The following P2RY8 variants were observed in gnomAD, a reference collection of about 807,000 sequenced individuals.
P2RY8 encodes the protein P2Y receptor family member 8, also known as S-geranylgeranyl-glutathione receptor P2RY8.
A neutral mutation model predicts 10.0 loss-of-function variants in P2RY8; 6 were observed. The observed-to-expected ratio is 0.60, with a 90% CI of 0.33 to 1.19. The LOEUF is 1.19. Ranked by LOEUF, P2RY8 falls within the 50% of genes most tolerant of loss-of-function variation. The pLI, the probability that P2RY8 is intolerant of heterozygous loss-of-function variation, is 0.04. For synonymous variants in P2RY8, 276 were observed against 252.5 expected, an observed-to-expected ratio of 1.09 and a Z score of -0.88; for missense variants, 456 against 542.0, an observed-to-expected ratio of 0.84 and a Z score of 1.58.
intron 1 of P2RY8, among the ~76,000 whole-genome samples, chrX:1,502,033 C>G (rs2092185926): frequency 6.6e-6 from 1 of 152,180 alleles, no homozygotes; most frequent in Admixed American, 6.5e-5. Context: ...GCCTCGGCCT[C>G]TTGAATATCT....
At chrX:1,473,258 TG>T (rs2091818764) in intron 1 of P2RY8, among the ~76,000 whole-genome samples, 1 of 148,446 alleles carries the variant, frequency 6.7e-6, no homozygotes, top group South Asian at 2.1e-4. Flanking sequence ...CGTGGACGGA[TG>T]GGTGAATAGA....
chrX:1,534,670 G>A (rs1227575978), intron 1 of P2RY8, among the ~76,000 whole-genome samples: 2 of 152,160 alleles, frequency 1.3e-5, no homozygotes, highest in Non-Finnish European at 2.9e-5. Flanking sequence ...TGGAGAGGCA[G>A]GGCTGAAGGA....
intron 1 of P2RY8, among the ~76,000 whole-genome samples, chrX:1,488,773 C>T (rs1235077738): frequency 1.3e-5 from 2 of 150,464 alleles, no homozygotes; most frequent in African/African-American, 2.5e-5. Context: ...TGATACAGGA[C>T]ATTCCCAATG....
In P2RY8 at chrX:1,477,341, TTATC is replaced by T. The variant is rs1291354319; in HGVS notation, c.-24-10763_-24-10760del. 3.3e-5 allele frequency among the ~76,000 whole-genome samples: 5 copies of T among 152,168 alleles called. No homozygotes were observed. In the East Asian group the frequency reaches 5.8e-4, roughly 18 times the overall value. ...TTGATCTATCATCTATCTATATCAA[TTATC>T]TATCAATCGATCATCTATCTACCTA... On this transcript the variant is annotated intron_variant, in intron 1 of 1. Transcript: ENST00000381297.
chrX:1,501,775 A>C (rs112610011), intron 1 of P2RY8, among the ~76,000 whole-genome samples: 1 of 149,558 alleles, frequency 6.7e-6, no homozygotes, highest in Admixed American at 6.7e-5. Flanking sequence ...TTGTATTTTT[A>C]GTAGAGATGG....
At chrX:1,536,301 G>A (rs1273007908) in intron 1 of P2RY8, among the ~76,000 whole-genome samples, 16 of 150,428 alleles carry the variant, frequency 1.1e-4, no homozygotes, top group Admixed American at 1.0e-3. Flanking sequence ...TCGCTCTGTC[G>A]CCCAGGCTGG....
chrX:1,499,840 TTTTTGTTTTG>T (rs545823448), intron 1 of P2RY8, among the ~76,000 whole-genome samples: 27,785 of 151,558 alleles, frequency 0.18, 2,728 homozygotes, highest in Middle Eastern at 0.35. Context: ...TGAATCTGTT[TTTTTGTTTTG>T]TTTTGTTTTG....
intron 1 of P2RY8, among the ~76,000 whole-genome samples, chrX:1,486,184 C>T (rs2091984373): frequency 6.6e-6 from 1 of 152,234 alleles, no homozygotes; most frequent in South Asian, 2.1e-4. Context: ...TGCCATTGCA[C>T]TCCAGGCTGG....
intron 1 of P2RY8, among the ~76,000 whole-genome samples, chrX:1,489,074 G>T (rs139037543): frequency 0.014 from 2,193 of 152,044 alleles, 21 homozygotes; most frequent in Non-Finnish European, 0.025. Context: ...CCACAAATGT[G>T]CAGGGAAAGA....
chrX:1,475,487 A>G (rs2091864560), intron 1 of P2RY8, among the ~76,000 whole-genome samples: 1 of 152,078 alleles, frequency 6.6e-6, no homozygotes, highest in South Asian at 2.1e-4. Context: ...TGGGGAGAGA[A>G]TGCATTGCTG....
In P2RY8 at chrX:1,463,499, G is replaced by A. The variant is rs2091617127; in HGVS notation, c.*1980C>T. Reference sequence around the variant, plus strand: ...GCTCTGTGTCTGTGTCTCCTCTTCTGTCTCTTGGAAGGACACCTGTCATGG... The same window carrying A: ...GCTCTGTGTCTGTGTCTCCTCTTCTATCTCTTGGAAGGACACCTGTCATGG... On this transcript the variant is annotated 3_prime_UTR_variant, in exon 2 of 2. Transcript: ENST00000381297. 8.7e-6 allele frequency: 2 copies of A among 230,644 alleles called. No homozygotes were observed. Among genetic ancestry groups the A allele is most frequent in the Non-Finnish European group, 1.7e-5 (2 of 116,598 alleles). The allele number at this position is 230,644 out of a possible 1,614,324, so 14.3% of individuals were successfully genotyped here.
intron 1 of P2RY8, among the ~76,000 whole-genome samples, chrX:1,483,685 A>G (rs2091959694): frequency 6.6e-6 from 1 of 151,938 alleles, no homozygotes; most frequent in South Asian, 2.1e-4. Flanking sequence ...ATTAAAACCC[A>G]AAGCTACCCT....
rs762602840 is a variant in P2RY8 at position 1,476,637 on chromosome X, G to A, written c.-24-10055C>T. ...AATGGGTCATATAGATGTTTGAGAG[G>A]TAGCCAAGGGTGGCTGATGCCAGGT... On this transcript the variant is annotated intron_variant, in intron 1 of 1. Coordinates refer to ENST00000381297, the MANE Select transcript of P2RY8 (RefSeq NM_178129.5). Among the ~76,000 whole-genome samples, 10 of 151,910 alleles carry A rather than the reference G, an allele frequency of 6.6e-5. No individual in the cohort carries two copies. The South Asian group carries it at 2.1e-3, about 32-fold the overall frequency.
chrX:1,536,355 G>A (rs1177216443), intron 1 of P2RY8, among the ~76,000 whole-genome samples: 1 of 151,886 alleles, frequency 6.6e-6, no homozygotes, highest in Non-Finnish European at 1.5e-5. Context: ...TCCACCTCCA[G>A]GGATCATGCC....
intron 1 of P2RY8, among the ~76,000 whole-genome samples, chrX:1,468,318 G>A (rs764147692): frequency 1.3e-5 from 2 of 152,310 alleles, no homozygotes; most frequent in African/African-American, 4.8e-5. Context: ...AAAGTCCTAC[G>A]GTGGCGGCCT....
intron 1 of P2RY8, among the ~76,000 whole-genome samples, chrX:1,470,191 G>A (rs752514639): frequency 1.9e-4 from 25 of 134,052 alleles, no homozygotes; most frequent in African/African-American, 6.6e-4. Context: ...AAATCCTGTT[G>A]TTACTAAAAT....
chrX:1,482,893 T>G (rs2091950995), intron 1 of P2RY8, among the ~76,000 whole-genome samples: 2 of 147,300 alleles, frequency 1.4e-5, no homozygotes, highest in African/African-American at 2.5e-5. Context: ...AATTGAACCA[T>G]GAGAACACAT....
At chrX:1,503,737 A>G (rs2092202146) in intron 1 of P2RY8, among the ~76,000 whole-genome samples, 1 of 152,040 alleles carries the variant, frequency 6.6e-6, no homozygotes, top group African/African-American at 2.4e-5. Flanking sequence ...TCTGCTAAAA[A>G]TACAAAAATT....
intron 1 of P2RY8, among the ~76,000 whole-genome samples, chrX:1,535,184 C>CTTTTTTTTTTTTT (rs539683722): frequency 1.2e-5 from 1 of 80,648 alleles, no homozygotes; most frequent in Non-Finnish European, 2.2e-5. Context: ...GGGATAATTC[C>CTTTTTTTTTTTTT]TTTTTTTTTT....
Sources: allele counts gnomAD v4.1 joint callset (sites outside exome capture counted in the v4.1 genomes callset), GRCh38; gene constraint gnomAD v4.1.1; transcripts MANE v1.5; gene names NCBI Gene and HGNC (gene_info 2026-07-23, HGNC 2026-07-21).